Variants in NDRG3 observed in about 807,000 individuals in gnomAD.
NDRG3 encodes the protein NDRG family member 3, also known as protein NDRG3.
A neutral mutation model predicts 57.2 loss-of-function variants in NDRG3; 23 were observed. That is an observed-to-expected ratio of 0.40 (90% CI 0.29 to 0.57). NDRG3 has a LOEUF of 0.57. Ranked by LOEUF, NDRG3 falls within the 20% of genes least tolerant of loss-of-function variation. The pLI, the probability that NDRG3 is intolerant of heterozygous loss-of-function variation, is 0.42. For missense variants in NDRG3, 384 were observed against 457.3 expected (o/e 0.84, Z 1.46); for synonymous variants, 132 against 162.6 (o/e 0.81, Z 1.43).
rs758541175 is a variant in NDRG3 at position 36,688,678 on chromosome 20, C to T, written c.199+1G>A. The T allele has an allele frequency of 6.9e-6, 11 of 1,600,932 alleles. No individual in the cohort carries two copies. Among genetic ancestry groups the T allele is most frequent in the Non-Finnish European group, 6.0e-6 (7 of 1,168,304 alleles). On this transcript the variant is annotated splice_donor_variant, in intron 4 of 15. Transcript: ENST00000349004. LOFTEE classifies it high-confidence loss of function. ...GGGAAGGTGTAAAATAAAATACATA[C>T]GGTTGAGGCCAATGTCATGATATGT...
chr20:36,696,799 C>T (rs1418617742), intron 3 of NDRG3, among the ~76,000 whole-genome samples: 1 of 152,100 alleles, frequency 6.6e-6, no homozygotes, highest in Non-Finnish European at 1.5e-5. Context: ...CCGCCTCTGG[C>T]CTTTTCTATA....
intron 2 of NDRG3, 22 bp from the exon 3 acceptor site, chr20:36,707,029 C>T (rs1983587115): frequency 6.2e-7 from 1 of 1,612,026 alleles, no homozygotes. Context: ...AGACAGAAAA[C>T]ACAGTCAGTT....
Position 36,653,341 on chromosome 20 carries a change from G to A in NDRG3, c.*179C>T. 1.7e-6 allele frequency: 1 copy of A among 581,004 alleles called. No individual in the cohort carries two copies. Among genetic ancestry groups the A allele is most frequent in the Non-Finnish European group, 3.0e-6 (1 of 331,338 alleles). The allele number at this position is 581,004 out of a possible 1,614,324, so 36.0% of individuals were successfully genotyped here. A position where few individuals can be genotyped will look rare whatever the true frequency, so the allele number is the denominator to read the frequency against. On this transcript the variant is annotated 3_prime_UTR_variant, in exon 16 of 16. Coordinates refer to ENST00000349004, the MANE Select transcript of NDRG3 (RefSeq NM_032013.4). The surrounding 1 kb of genome is among the most constrained non-coding windows in gnomAD (Gnocchi z 4.2). Reference sequence around the variant, plus strand: ...AGTATGGCATGGAAGTGGTTCTTGGGCTATACAAAAAAGGGGGTGGGCAGG... The same window carrying A: ...AGTATGGCATGGAAGTGGTTCTTGGACTATACAAAAAAGGGGGTGGGCAGG...
intron 1 of NDRG3, among the ~76,000 whole-genome samples, chr20:36,728,729 TG>T (rs1034370407): frequency 2.1e-4 from 32 of 151,838 alleles, no homozygotes; most frequent in African/African-American, 7.0e-4. Flanking sequence ...TTTGTTTTTT[TG>T]GGGGGGAGGT....
intron 3 of NDRG3, among the ~76,000 whole-genome samples, chr20:36,696,737 C>T (rs569039054): frequency 6.6e-6 from 1 of 151,820 alleles, no homozygotes; most frequent in African/African-American, 2.4e-5. Flanking sequence ...GTGATCCGCC[C>T]ACCTCGGCCT....
At chr20:36,685,522 G>A (rs1034037551) in intron 5 of NDRG3, among the ~76,000 whole-genome samples, 1 of 152,068 alleles carries the variant, frequency 6.6e-6, no homozygotes. Flanking sequence ...TGTTGCCAGG[G>A]CTGGTCTTGA....
chr20:36,735,330 G>C (rs1299983368), intron 1 of NDRG3, among the ~76,000 whole-genome samples: 1 of 152,184 alleles, frequency 6.6e-6, no homozygotes, highest in Non-Finnish European at 1.5e-5. Context: ...TAGATTTTCA[G>C]ATTAGGGATG....
intron 13 of NDRG3, 63 bp downstream of exon 13, chr20:36,660,274 C>T: frequency 7.8e-7 from 1 of 1,285,126 alleles, no homozygotes; most frequent in Non-Finnish European, 1.1e-6. Context: ...GCAATTATTC[C>T]AGAAAATATG....
chr20:36,699,601 A>T (rs925886128), intron 3 of NDRG3, among the ~76,000 whole-genome samples: 8 of 152,126 alleles, frequency 5.3e-5, no homozygotes, highest in African/African-American at 1.9e-4. Flanking sequence ...GAACTGAGGG[A>T]AACACCAGTT....
chr20:36,745,656 T>A (rs1163900022), intron 1 of NDRG3, among the ~76,000 whole-genome samples: 1 of 152,212 alleles, frequency 6.6e-6, no homozygotes, highest in Non-Finnish European at 1.5e-5. Context: ...TCTGGGCTCT[T>A]GGAGCGGGCG....
At chr20:36,668,186 G>A (rs905850364) in intron 9 of NDRG3, among the ~76,000 whole-genome samples, 4 of 152,150 alleles carry the variant, frequency 2.6e-5, no homozygotes, top group Admixed American at 6.6e-5. Flanking sequence ...AGGCTGCAGC[G>A]AACTAAGATG....
At chr20:36,725,107 C>T (rs1444774515) in intron 1 of NDRG3, among the ~76,000 whole-genome samples, 3 of 148,442 alleles carry the variant, frequency 2.0e-5, no homozygotes, top group South Asian at 4.3e-4. Flanking sequence ...ACCAGCCTGG[C>T]CAACATGGAG....
intron 2 of NDRG3, among the ~76,000 whole-genome samples, chr20:36,711,139 G>A (rs1353208202): frequency 2.7e-5 from 4 of 149,892 alleles, no homozygotes; most frequent in South Asian, 2.1e-4. Flanking sequence ...AAAAATAGCC[G>A]GGCGTGGTGG....
intron 1 of NDRG3, among the ~76,000 whole-genome samples, chr20:36,732,896 T>C (rs1035615074): frequency 9.2e-5 from 14 of 151,608 alleles, no homozygotes; most frequent in Non-Finnish European, 1.5e-4. Flanking sequence ...GCCTCTAATC[T>C]AGCATTTCGG....
At chr20:36,739,890 A>ACAG (rs1985835377) in intron 1 of NDRG3, among the ~76,000 whole-genome samples, 1 of 147,580 alleles carries the variant, frequency 6.8e-6, no homozygotes, top group Admixed American at 6.8e-5. Context: ...AGCCTGGGTG[A>ACAG]CAGAGCGAGA....
At chr20:36,672,828 CAA>C (rs1269407865) in intron 8 of NDRG3, among the ~76,000 whole-genome samples, 11 of 118,004 alleles carry the variant, frequency 9.3e-5, no homozygotes, top group African/African-American at 1.5e-4. Context: ...GATTCCGTCT[CAA>C]AAAAAAAAAA....
At chr20:36,678,734 A>G (rs978532201) in intron 8 of NDRG3, among the ~76,000 whole-genome samples, 1 of 152,228 alleles carries the variant, frequency 6.6e-6, no homozygotes, top group East Asian at 1.9e-4. Context: ...CATTTAAAAG[A>G]TGATGTAATT....
chr20:36,673,496 T>G (rs1415301728), intron 8 of NDRG3, among the ~76,000 whole-genome samples: 1 of 151,828 alleles, frequency 6.6e-6, no homozygotes, highest in African/African-American at 2.4e-5. Context: ...AACCTCCACC[T>G]CCCAGGTTCA....
intron 3 of NDRG3, among the ~76,000 whole-genome samples, chr20:36,689,221 A>C (rs1982052609): frequency 6.6e-6 from 1 of 152,100 alleles, no homozygotes; most frequent in Admixed American, 6.6e-5. Context: ...AAATAAATGC[A>C]TACCAGAGAG....
Sources: allele counts gnomAD v4.1 joint callset (sites outside exome capture counted in the v4.1 genomes callset), GRCh38; gene constraint gnomAD v4.1.1; non-coding constraint Gnocchi (gnomAD v3.1); transcripts MANE v1.5; gene names NCBI Gene and HGNC (gene_info 2026-07-23, HGNC 2026-07-21).